The following LARS2 variants were observed in gnomAD, a reference collection of about 807,000 sequenced individuals.
LARS2 encodes leucyl-tRNA synthetase 2, mitochondrial, also known as leucine--tRNA ligase, mitochondrial.
LARS2 carries 81 observed loss-of-function variants against 116.6 expected under a neutral mutation model. The ratio of observed to expected loss-of-function variants is 0.69; its 90% CI spans 0.58 to 0.84. The LOEUF (loss-of-function observed/expected upper bound fraction) is 0.84. Ranked by LOEUF, LARS2 falls within the 40% of genes least tolerant of loss-of-function variation. The pLI, the probability that LARS2 is intolerant of heterozygous loss-of-function variation, is 0.00. For missense variants in LARS2, 968 were observed against 1,114.5 expected (o/e 0.87, Z 1.87); for synonymous variants, 396 against 407.2 (o/e 0.97, Z 0.33).
intron 20 of LARS2, among the ~76,000 whole-genome samples, chr3:45,534,114 C>G (rs1429291850): frequency 1.1e-4 from 16 of 152,188 alleles, no homozygotes. Context: ...TCTATAGCAA[C>G]TCATTTTTTT....
intron 6 of LARS2, among the ~76,000 whole-genome samples, chr3:45,441,776 A>G (rs1252229386): frequency 6.6e-6 from 1 of 152,094 alleles, no homozygotes; most frequent in African/African-American, 2.4e-5. Context: ...ATTTGTGCAG[A>G]GTCATTGAGG....
At chr3:45,533,536 ACT>A (rs754775610) in intron 20 of LARS2, among the ~76,000 whole-genome samples, 3 of 152,006 alleles carry the variant, frequency 2.0e-5, no homozygotes, top group Non-Finnish European at 1.5e-5. Context: ...AAACTCACCC[ACT>A]CTCATCGCAG....
chr3:45,491,849 C>T, intron 13 of LARS2, 49 bp downstream of exon 13: 2 of 1,547,766 alleles, frequency 1.3e-6, no homozygotes, highest in East Asian at 2.3e-5. Context: ...GGCCCCATAC[C>T]TGCTAGGGCT....
chr3:45,400,939 G>A (rs957591513), intron 4 of LARS2, among the ~76,000 whole-genome samples: 3 of 151,346 alleles, frequency 2.0e-5, no homozygotes, highest in African/African-American at 7.3e-5. Flanking sequence ...TCAGCCTCCC[G>A]AGTAGCTGGG....
At chr3:45,481,898 A>G (rs961214245) in intron 10 of LARS2, among the ~76,000 whole-genome samples, 2 of 152,136 alleles carry the variant, frequency 1.3e-5, no homozygotes, top group Non-Finnish European at 2.9e-5. Context: ...TTTTGGTGTT[A>G]TATCTAAAAC....
chr3:45,419,875 C>T (rs552355558), intron 6 of LARS2, 146 bp downstream of exon 6: 1 of 646,574 alleles, frequency 1.5e-6, no homozygotes, highest in African/African-American at 1.8e-5. Flanking sequence ...CAAAAAGTAT[C>T]CTGAGTGGAT....
intron 6 of LARS2, among the ~76,000 whole-genome samples, chr3:45,420,849 G>T (rs1239105684): frequency 6.6e-6 from 1 of 152,164 alleles, no homozygotes; most frequent in African/African-American, 2.4e-5. Context: ...TGACTTAAAA[G>T]TTGTTAGATT....
At chr3:45,504,909 A>T (rs1271360131) in intron 15 of LARS2, among the ~76,000 whole-genome samples, 1 of 151,366 alleles carries the variant, frequency 6.6e-6, no homozygotes, top group African/African-American at 2.4e-5. Flanking sequence ...GTGAAACCCC[A>T]TCTCTACTAA....
chr3:45,417,325 C>T (rs1035283851), intron 4 of LARS2, among the ~76,000 whole-genome samples, 157 bp from the exon 5 acceptor site: 2 of 152,148 alleles, frequency 1.3e-5, no homozygotes, highest in Non-Finnish European at 2.9e-5. Flanking sequence ...ATGGTTACGT[C>T]ATAGGTAGCC....
chr3:45,440,604 C>A (rs1191423201), intron 6 of LARS2, among the ~76,000 whole-genome samples: 2 of 151,022 alleles, frequency 1.3e-5, no homozygotes, highest in Non-Finnish European at 3.0e-5. Context: ...TTATTAAATT[C>A]CTGGTAGCTA....
intron 19 of LARS2, among the ~76,000 whole-genome samples, chr3:45,523,330 G>A (rs935003076): frequency 2.0e-5 from 3 of 152,166 alleles, no homozygotes; most frequent in Non-Finnish European, 4.4e-5. Flanking sequence ...AGGTCTCAGT[G>A]CATTTCTCTG....
intron 8 of LARS2, among the ~76,000 whole-genome samples, chr3:45,462,715 C>T (rs893982556): frequency 9.2e-5 from 14 of 152,152 alleles, no homozygotes; most frequent in African/African-American, 3.4e-4. Context: ...ATTTGCATCT[C>T]GTTTTGCAGC....
At chr3:45,533,723 C>T (rs1700656938) in intron 20 of LARS2, among the ~76,000 whole-genome samples, 1 of 152,102 alleles carries the variant, frequency 6.6e-6, no homozygotes, top group Admixed American at 6.5e-5. Flanking sequence ...GTCTAGGGTC[C>T]TTCCTCTCCC....
intron 7 of LARS2, among the ~76,000 whole-genome samples, chr3:45,451,043 A>G (rs998572189): frequency 2.0e-5 from 3 of 151,038 alleles, no homozygotes; most frequent in African/African-American, 7.3e-5. Context: ...GAGTATTTGG[A>G]TTTTTGTTTG....
chr3:45,499,465 A>AG (rs1402090537), intron 14 of LARS2, among the ~76,000 whole-genome samples: 2 of 151,572 alleles, frequency 1.3e-5, no homozygotes, highest in Admixed American at 6.6e-5. Context: ...AAAAAAAAAA[A>AG]GAAAAAATTA....
chr3:45,471,152 T>C (rs938560661), intron 8 of LARS2, among the ~76,000 whole-genome samples: 1 of 151,890 alleles, frequency 6.6e-6, no homozygotes, highest in Non-Finnish European at 1.5e-5. Flanking sequence ...TCACATCTTA[T>C]TCTGGTGGAG....
intron 21 of LARS2, among the ~76,000 whole-genome samples, chr3:45,544,340 A>G (rs1212437997): frequency 6.6e-6 from 1 of 152,250 alleles, no homozygotes; most frequent in Admixed American, 6.5e-5. Context: ...TCTCAGTTTT[A>G]CAACATATTT....
At chr3:45,487,686 CA>C in intron 11 of LARS2, among the ~76,000 whole-genome samples, 1 of 151,922 alleles carries the variant, frequency 6.6e-6, no homozygotes, top group South Asian at 2.1e-4. Context: ...TCCTGCAATG[CA>C]AAAGACAGCC....
chr3:45,407,118 T>A (rs1041152068), intron 4 of LARS2, among the ~76,000 whole-genome samples: 1 of 152,194 alleles, frequency 6.6e-6, no homozygotes, highest in Non-Finnish European at 1.5e-5. Flanking sequence ...TTGGGCCTTT[T>A]TGCTATTCAC....
Sources: gnomAD v4.1 joint callset for allele counts (sites outside exome capture counted in the v4.1 genomes callset) on GRCh38, gnomAD v4.1.1 for gene constraint, MANE v1.5 for transcripts, NCBI Gene and HGNC (gene_info 2026-07-23, HGNC 2026-07-21) for gene names.